The following SLC44A2 variants were observed in gnomAD, a reference collection of about 807,000 sequenced individuals.
The protein encoded by SLC44A2 is choline transporter-like protein 2.
SLC44A2 carries 57 observed loss-of-function variants against 90.8 expected under a neutral mutation model. That is an observed-to-expected ratio of 0.63 (90% CI 0.51 to 0.78). The LOEUF (loss-of-function observed/expected upper bound fraction) is 0.78. SLC44A2 is among the 30% of genes least tolerant of loss of function. The probability of loss-of-function intolerance (pLI) is 0.00; values close to 1 mark genes in which losing one functional copy is unlikely to be tolerated. For missense variants in SLC44A2, 794 were observed against 919.7 expected, an observed-to-expected ratio of 0.86 and a Z score of 1.77; for synonymous variants, 355 against 360.7, an observed-to-expected ratio of 0.98 and a Z score of 0.18.
At chr19:10,609,806 A>G (rs1355124923) in intron 1 of SLC44A2, among the ~76,000 whole-genome samples, 1 of 151,586 alleles carries the variant, frequency 6.6e-6, no homozygotes, top group African/African-American at 2.4e-5. Context: ...TGTTACTCTT[A>G]TTTATTTATT....
rs2066925216 is a variant in SLC44A2 at position 10,625,676 on chromosome 19, C to T, written c.37+6C>T. ...CCACTACTACGGGAAACACGGTAGGCAGCGACCCCCGCCCGTAGCCCCGGG... is the reference window on the plus strand; with the variant it reads ...CCACTACTACGGGAAACACGGTAGGTAGCGACCCCCGCCCGTAGCCCCGGG... On this transcript the variant is annotated splice_donor_region_variant and intron_variant, in intron 1 of 21. Transcript: ENST00000335757. The T allele has an allele frequency of 3.2e-6, 4 of 1,249,704 alleles. No homozygotes were observed. Among genetic ancestry groups the T allele is most frequent in the Non-Finnish European group, 4.0e-6 (4 of 991,294 alleles). 77.4% of individuals were successfully genotyped at this position (1,249,704 alleles called of 1,614,324 possible). A position where few individuals can be genotyped will look rare whatever the true frequency, so the allele number is the denominator to read the frequency against.
intron 1 of SLC44A2, among the ~76,000 whole-genome samples, chr19:10,619,980 TG>T (rs1402542735): frequency 6.6e-6 from 1 of 151,704 alleles, no homozygotes; most frequent in Non-Finnish European, 1.5e-5. Flanking sequence ...ATCTCCAACC[TG>T]GGCAACATGG....
At chr19:10,617,337 C>T (rs1043347447) in intron 1 of SLC44A2, among the ~76,000 whole-genome samples, 1 of 152,128 alleles carries the variant, frequency 6.6e-6, no homozygotes, top group Non-Finnish European at 1.5e-5. Flanking sequence ...CCCCTCCCTT[C>T]GTCCCCACCC....
At chr19:10,642,833 T>TC in intron 21 of SLC44A2, 2 of 1,504,526 alleles carry the variant, frequency 1.3e-6, no homozygotes, top group Non-Finnish European at 1.8e-6. Flanking sequence ...CTTCCCTGCC[T>TC]CCCTCTTTCC....
intron 1 of SLC44A2, among the ~76,000 whole-genome samples, chr19:10,609,497 G>A (rs1221257452): frequency 6.6e-6 from 1 of 151,670 alleles, no homozygotes; most frequent in Non-Finnish European, 1.5e-5. Flanking sequence ...ACTGGGTTTT[G>A]CCATGTTTGT....
In SLC44A2 at chr19:10,643,494, C is replaced by T. The variant is rs1186170355; in HGVS notation, c.*109C>T. 6 of 1,287,808 alleles carry T rather than the reference C, an allele frequency of 4.7e-6. No individual in the cohort carries two copies. The Admixed American group carries it at 1.2e-4, about 26-fold the overall frequency. 79.8% of individuals were successfully genotyped at this position (1,287,808 alleles called of 1,614,324 possible). A position where few individuals can be genotyped will look rare whatever the true frequency, so the allele number is the denominator to read the frequency against. On this transcript the variant is annotated 3_prime_UTR_variant, in exon 22 of 22. Transcript: ENST00000335757. The stretch of plus-strand genomic sequence containing the variant: ...CACCTGAAGTCCTATCACTGCCGCT[C>T]TGCCCCTCCCCATGAGCCAGATCCC...
intron 1 of SLC44A2, among the ~76,000 whole-genome samples, chr19:10,606,135 A>C (rs925235787): frequency 6.6e-6 from 1 of 150,642 alleles, no homozygotes; most frequent in African/African-American, 2.4e-5. Context: ...CTGTCTCTAC[A>C]AAAAAATTTA....
At chr19:10,628,688 G>A (rs2066960934) in intron 4 of SLC44A2, among the ~76,000 whole-genome samples, 1 of 152,164 alleles carries the variant, frequency 6.6e-6, no homozygotes. Flanking sequence ...TTTTAAGGGC[G>A]GGAGAGACTG....
At chr19:10,630,168 G>A (rs2066978505) in intron 4 of SLC44A2, among the ~76,000 whole-genome samples, 1 of 151,888 alleles carries the variant, frequency 6.6e-6, no homozygotes, top group South Asian at 2.1e-4. Context: ...TGGGCAACAT[G>A]GTGAAATTCT....
At position 10,637,758 on chromosome 19, in the gene SLC44A2, C is replaced by T. The variant is rs368346217; in HGVS notation, c.1695+11C>T. 303 of 1,613,056 alleles carry T rather than the reference C, an allele frequency of 1.9e-4. No individual in the cohort carries two copies. Among genetic ancestry groups the T allele is most frequent in the Non-Finnish European group, 2.5e-4 (292 of 1,179,202 alleles). On this transcript the variant is annotated intron_variant, in intron 17 of 21. Transcript: ENST00000335757. ...AATGCCTACATCATGGTGAGTGGGC[C>T]TGGGACCCCCAACCAACCCGCCAGC...
chr19:10,619,461 T>A (rs1024394405), intron 1 of SLC44A2, among the ~76,000 whole-genome samples: 7 of 148,570 alleles, frequency 4.7e-5, no homozygotes, highest in African/African-American at 1.5e-4. Context: ...TTTTTTTTTT[T>A]AAGCCTCAGA....
intron 1 of SLC44A2, among the ~76,000 whole-genome samples, chr19:10,625,949 T>C (rs1347353268): frequency 1.3e-5 from 2 of 152,020 alleles, no homozygotes; most frequent in African/African-American, 2.4e-5. Context: ...CCACCTCAGA[T>C]CTTCCCCATC....
chr19:10,635,403 G>C, intron 13 of SLC44A2, 28 bp from the exon 14 acceptor site: 1 of 1,613,734 alleles, frequency 6.2e-7, no homozygotes. Context: ...CTCAGTCCTA[G>C]ACCTCTGCTT....
chr19:10,643,491 G>T lies in SLC44A2; in HGVS notation c.*106G>T, dbSNP rs530390054. On this transcript the variant is annotated 3_prime_UTR_variant, in exon 22 of 22. Transcript: ENST00000335757. ...GCTCACCTGAAGTCCTATCACTGCC[G>T]CTCTGCCCCTCCCCATGAGCCAGAT... The T allele has an allele frequency of 2.3e-6, 3 of 1,300,134 alleles. No individual in the cohort carries two copies. Among genetic ancestry groups the T allele is most frequent in the Non-Finnish European group, 2.1e-6 (2 of 955,002 alleles). The allele number at this position is 1,300,134 out of a possible 1,614,324, so 80.5% of individuals were successfully genotyped here.
chr19:10,642,520 C>T (rs1435783474), intron 21 of SLC44A2, 69 bp downstream of exon 21: 2 of 1,441,994 alleles, frequency 1.4e-6, no homozygotes, highest in African/African-American at 2.8e-5. Context: ...ATCACATCAC[C>T]CTCCAACGGG....
chr19:10,640,999 A>G (rs776735450), intron 20 of SLC44A2: 2 of 351,022 alleles, frequency 5.7e-6, no homozygotes, highest in African/African-American at 4.4e-5. Flanking sequence ...AGGTAAGAGA[A>G]TCGCTTGAAC....
At chr19:10,622,809 G>A (rs1263180791), upstream of SLC44A2, among the ~76,000 whole-genome samples, 1 of 152,122 alleles carries the variant, frequency 6.6e-6, no homozygotes, top group Non-Finnish European at 1.5e-5. Flanking sequence ...GGCTGAGGTG[G>A]GAGGATCGCC....
intron 21 of SLC44A2, chr19:10,642,805 C>G (rs1433962338): frequency 4.2e-6 from 6 of 1,426,004 alleles, no homozygotes; most frequent in Non-Finnish European, 5.6e-6. Context: ...CTCCTCCATG[C>G]CTGCTGGCTT....
intron 2 of SLC44A2, among the ~76,000 whole-genome samples, chr19:10,626,570 C>T (rs1037925589): frequency 1.9e-4 from 24 of 127,528 alleles, no homozygotes; most frequent in Non-Finnish European, 2.9e-4. Context: ...TGCACCACCA[C>T]ACCTGGCTAA....
Sources: allele counts gnomAD v4.1 joint callset (sites outside exome capture counted in the v4.1 genomes callset), GRCh38; gene constraint gnomAD v4.1.1; transcripts MANE v1.5; gene names NCBI Gene and HGNC (gene_info 2026-07-23, HGNC 2026-07-21).